VWDE: variants seen among roughly 807,000 people sequenced by gnomAD.
VWDE encodes the protein von Willebrand factor D and EGF domains, also known as von Willebrand factor D and EGF domain-containing protein.
In VWDE, 207 loss-of-function variants were observed where a neutral mutation model predicts 178.4. The ratio of observed to expected loss-of-function variants is 1.16; its 90% CI spans 1.04 to 1.30. The LOEUF is 1.30. Ranked by LOEUF, VWDE falls within the 50% of genes most tolerant of loss-of-function variation. VWDE has a pLI of 0.00. For missense variants in VWDE, 2,287 were observed against 1,901.3 expected (o/e 1.20, Z -3.77); for synonymous variants, 738 against 651.4 (o/e 1.13, Z -2.02).
At chr7:12,375,892 G>C (rs1783501887) in intron 7 of VWDE, among the ~76,000 whole-genome samples, 1 of 152,026 alleles carries the variant, frequency 6.6e-6, no homozygotes, top group Admixed American at 6.6e-5. Flanking sequence ...AAGAACTCCA[G>C]GAATTTGTAT....
At chr7:12,372,913 TAG>T in intron 10 of VWDE, 62 bp downstream of exon 10, 1 of 1,432,862 alleles carries the variant, frequency 7.0e-7, no homozygotes, top group Non-Finnish European at 9.5e-7. Flanking sequence ...CCTAATTTAA[TAG>T]AGATGTTTAT....
At position 12,361,196 on chromosome 7, in the gene VWDE, C is replaced by T; in HGVS notation, c.3110G>A (p.Gly1037Asp). The change falls in exon 15 of 29, where the codon GGT becomes GAT. Residue 1037 changes from glycine (G) to aspartate (D), a missense_variant. Coordinates refer to ENST00000275358, the MANE Select transcript of VWDE (RefSeq NM_001135924.3). ...ATAGAGACCACAAACTTGGCAAGCA[C>T]CATCATATATGACCGTTATTTTGGG... The part of the protein sequence containing the change: ...SNPKITVIYD[G>D]ACQVCGLYKN... The T allele has an allele frequency of 3.9e-6, 6 of 1,548,014 alleles. No homozygotes were observed. Among genetic ancestry groups the T allele is most frequent in the Non-Finnish European group, 5.2e-6 (6 of 1,144,120 alleles).
At chr7:12,382,730 G>A (rs1394296238) in intron 4 of VWDE, among the ~76,000 whole-genome samples, 1 of 151,562 alleles carries the variant, frequency 6.6e-6, no homozygotes, top group East Asian at 1.9e-4. Flanking sequence ...AATATGATAA[G>A]GCTAATAATC....
chr7:12,379,626 T>G lies in VWDE; in HGVS notation c.790-60A>C. The stretch of plus-strand genomic sequence containing the variant: ...TTCAATTTTGGAGAAAACGTGTAAA[T>G]TATCACTTTTAAAATCCTAAATTTA... On this transcript the variant is annotated intron_variant, in intron 5 of 28. Coordinates refer to ENST00000275358, the MANE Select transcript of VWDE (RefSeq NM_001135924.3). 2.4e-6 allele frequency: 3 copies of G among 1,229,844 alleles called. No individual in the cohort carries two copies. The South Asian group carries it at 4.4e-5, about 18-fold the overall frequency. 76.2% of individuals were successfully genotyped at this position (1,229,844 alleles called of 1,614,324 possible).
In VWDE at chr7:12,397,090, C is replaced by CA. The variant is rs371247824; in HGVS notation, c.59-3313dup. Among the ~76,000 whole-genome samples, 341 of 151,896 alleles carry CA rather than the reference C, an allele frequency of 2.2e-3. 1 individual carries two copies. Among genetic ancestry groups the CA allele is most frequent in the African/African-American group, 7.7e-3 (321 of 41,456 alleles). On this transcript the variant is annotated intron_variant, in intron 1 of 28. Transcript: ENST00000275358. ...AACTATTCTAAAATTCATATAGAGCCAAAAAAGTGTCCCAATAGCAAAAGC... is the reference window on the plus strand; with the variant it reads ...AACTATTCTAAAATTCATATAGAGCCAAAAAAAGTGTCCCAATAGCAAAAGC...
At position 12,331,717 on chromosome 7, in the gene VWDE, T is replaced by C. The variant is rs1375824929; in HGVS notation, c.4759-520A>G. 2.6e-5 allele frequency among the ~76,000 whole-genome samples: 4 copies of C among 152,118 alleles called. No homozygotes were observed. In the East Asian group the frequency reaches 7.7e-4, roughly 29 times the overall value. On this transcript the variant is annotated intron_variant, in intron 28 of 28. Coordinates refer to ENST00000275358, the MANE Select transcript of VWDE (RefSeq NM_001135924.3). ...ATTAGGTGCTACTATTAATGCCATA[T>C]TGCAGATGAGAAAACTGAGACTGAG...
At chr7:12,343,272 A>G in intron 21 of VWDE, 94 bp from the exon 22 acceptor site, 2 of 870,780 alleles carry the variant, frequency 2.3e-6, no homozygotes, top group South Asian at 1.7e-5. Context: ...TCTTGTTGTA[A>G]GAGTAATTTA....
At chr7:12,357,836 C>T (rs1782345122) in intron 16 of VWDE, among the ~76,000 whole-genome samples, 1 of 152,070 alleles carries the variant, frequency 6.6e-6, no homozygotes, top group Admixed American at 6.5e-5. Flanking sequence ...TTGGTGTTGA[C>T]TGCCTCACTA....
Position 12,393,658 on chromosome 7 carries a change from G to T in VWDE, c.179C>A (p.Ser60Tyr). The change falls in exon 2 of 29, where the codon TCC becomes TAC. Residue 60 changes from serine (S) to tyrosine (Y), a missense_variant. Coordinates refer to ENST00000275358, the MANE Select transcript of VWDE (RefSeq NM_001135924.3). Reference protein sequence around the residue: ...VQDLICDHSLSPGWYRFLILD... With the variant: ...VQDLICDHSLYPGWYRFLILD... ...GATGAGAAATCTATACCATCCAGGG[G>T]AGAGGGAATGGTCACATATTAGGTC... is the stretch of plus-strand genomic sequence containing the variant. 6.4e-7 allele frequency: 1 copy of T among 1,551,268 alleles called. No homozygotes were observed. The highest frequency in any genetic ancestry group is 1.2e-5 in the South Asian group (1 of 84,034).
Position 12,369,532 on chromosome 7 carries a change from A to G in VWDE, c.2761+13T>C. 3 of 1,499,532 alleles carry G rather than the reference A, an allele frequency of 2.0e-6. No individual in the cohort carries two copies. The highest frequency in any genetic ancestry group is 2.7e-6 in the Non-Finnish European group (3 of 1,119,432). 92.9% of individuals were successfully genotyped at this position (1,499,532 alleles called of 1,614,324 possible). On this transcript the variant is annotated intron_variant, in intron 12 of 28. Transcript: ENST00000275358. ...ATCACATGCAATATCAAACTTTGAG[A>G]GTACTTACTTACCATAGGAATCACT...
intron 27 of VWDE, among the ~76,000 whole-genome samples, chr7:12,335,460 T>A (rs1461614059): frequency 6.6e-6 from 1 of 152,162 alleles, no homozygotes; most frequent in East Asian, 1.9e-4. Flanking sequence ...TTTTTCTTTT[T>A]TTACTTTTTT....
chr7:12,338,178 A>AT (rs147280977), intron 24 of VWDE, among the ~76,000 whole-genome samples: 2,831 of 152,080 alleles, frequency 0.019, 82 homozygotes, highest in African/African-American at 0.064. Flanking sequence ...TTTCAAATGG[A>AT]TTTTAAATGG....
At chr7:12,345,033 T>C (rs180720690) in intron 19 of VWDE, among the ~76,000 whole-genome samples, 15 of 152,252 alleles carry the variant, frequency 9.9e-5, no homozygotes, top group Admixed American at 9.8e-4. Context: ...CTCATCTGTA[T>C]AATGGGAAAA....
chr7:12,344,567 T>A, intron 19 of VWDE, 98 bp from the exon 20 acceptor site: 1 of 895,374 alleles, frequency 1.1e-6, no homozygotes, highest in Non-Finnish European at 1.7e-6. Context: ...CTCTGAAGTT[T>A]GAATAGTTAA....
chr7:12,388,897 G>T (rs1784233150), intron 3 of VWDE: 2 of 685,038 alleles, frequency 2.9e-6, no homozygotes, highest in South Asian at 3.0e-5. Context: ...GTGGAAAAAT[G>T]TGAGATGTCT....
rs2128547123 is a variant in VWDE at position 12,343,121 on chromosome 7, G to T, written c.4136C>A (p.Thr1379Asn). Reference sequence around the variant, plus strand: ...TGGTCCTACAAAACCATAAGGACAAGTGCAGAGATTCCCAGCCAAGCATGT... The same window carrying T: ...TGGTCCTACAAAACCATAAGGACAATTGCAGAGATTCCCAGCCAAGCATGT... ...GGTCLAGNLC[T>N]CPYGFVGPRC... Residue 1379 changes from threonine to asparagine, a missense_variant, in exon 22 of 29, where the codon ACT (threonine) becomes AAT (asparagine). Coordinates refer to ENST00000275358, the MANE Select transcript of VWDE (RefSeq NM_001135924.3). 2 of 1,550,020 alleles carry T rather than the reference G, an allele frequency of 1.3e-6. No individual in the cohort carries two copies. The highest frequency in any genetic ancestry group is 2.4e-5 in the East Asian group (1 of 40,838).
rs1388556890 is a variant in VWDE, at chr7:12,343,097, G to T, written c.4160C>A (p.Pro1387Gln). Reference protein sequence around the residue: ...LCTCPYGFVGPRCETMVCNRH... With the variant: ...LCTCPYGFVGQRCETMVCNRH... ...GCTTTGCTTACTTGTTTCACACCTT[G>T]GTCCTACAAAACCATAAGGACAAGT... The change falls in exon 22 of 29, where the codon CCA becomes CAA. Residue 1387 changes from proline (P) to glutamine (Q), a missense_variant. Pro to Gln is a moderately conservative substitution (Grantham distance 76). Transcript: ENST00000275358. 6.5e-7 allele frequency: 1 copy of T among 1,548,732 alleles called. No individual in the cohort carries two copies. The highest frequency in any genetic ancestry group is 2.0e-5 in the Admixed American group (1 of 50,828).
chr7:12,340,457 A>G, intron 23 of VWDE, 40 bp from the exon 24 acceptor site: 3 of 1,455,960 alleles, frequency 2.1e-6, no homozygotes, highest in Non-Finnish European at 2.8e-6. Flanking sequence ...TAAAAGTTTT[A>G]TTATTTAAAA....
At chr7:12,384,601 T>C (rs896321793) in intron 3 of VWDE, among the ~76,000 whole-genome samples, 1 of 152,002 alleles carries the variant, frequency 6.6e-6, no homozygotes. Flanking sequence ...ATGTGGGAGA[T>C]TTACAGAGTA....
Sources: allele counts gnomAD v4.1 joint callset (sites outside exome capture counted in the v4.1 genomes callset), GRCh38; gene constraint gnomAD v4.1.1; transcripts MANE v1.5; gene names NCBI Gene and HGNC (gene_info 2026-07-23, HGNC 2026-07-21).